The following CKAP2 variants were observed in gnomAD, a reference collection of about 807,000 sequenced individuals.
CKAP2 encodes cytoskeleton associated protein 2, also known as cytoskeleton-associated protein 2.
A neutral mutation model predicts 58.4 loss-of-function variants in CKAP2; 46 were observed. That is an observed-to-expected ratio of 0.79 (90% CI 0.62 to 1.01). The LOEUF is 1.01. CKAP2 is among the 50% of genes least tolerant of loss of function. The probability of loss-of-function intolerance (pLI) is 0.00; values close to 1 mark genes in which losing one functional copy is unlikely to be tolerated. For synonymous variants in CKAP2, 293 were observed against 280.9 expected (o/e 1.04, Z -0.43); for missense variants, 809 against 796.4 (o/e 1.02, Z -0.19).
rs74085799 is a variant in CKAP2, at chr13:52,462,418, A to G, written c.1156A>G (p.Asn386Asp). ...AGGAAGAGTGCTAAAAAGGCCCCCT[A>G]ATTCAGTAGTTACTCAGCATGAGCC... The part of the protein sequence containing the change: ...GKGRVLKRPP[N>D]SVVTQHEPAG... Residue 386 changes from asparagine to aspartate, a missense_variant, in exon 5 of 9, where the codon AAT becomes GAT. By Grantham distance (23) the Asn-to-Asp change is conservative (BLOSUM62 1). Transcript: ENST00000258607. 2,765 of 1,614,110 alleles carry G rather than the reference A, an allele frequency of 1.7e-3. 35 individuals are homozygous for G. In the African/African-American group the frequency reaches 0.03, roughly 17 times the overall value.
At chr13:52,464,467 C>T (rs1207012128) in intron 5 of CKAP2, among the ~76,000 whole-genome samples, 2 of 149,466 alleles carry the variant, frequency 1.3e-5, no homozygotes, top group South Asian at 2.1e-4. Context: ...GCTGGAGAAT[C>T]GCTTGAACCT....
Position 52,468,327 on chromosome 13 carries a change from G to C in CKAP2, c.1526G>C (p.Ser509Thr), listed in dbSNP as rs375816758. Residue 509 changes from serine to threonine, a missense_variant, in exon 7 of 9, where the codon AGT (serine) becomes ACT (threonine). By Grantham distance (58) the Ser-to-Thr change is moderately conservative. Coordinates refer to ENST00000258607, the MANE Select transcript of CKAP2 (RefSeq NM_018204.5). ...ATTGTAGATATTCTAACAATGAAGA[G>C]TCAAGAAAAAGCTAATTTAGGTAAG... ...HTIVDILTMK[S>T]QEKANLGENM... The C allele has an allele frequency of 1.9e-6, 3 of 1,597,642 alleles. No individual in the cohort carries two copies. Among genetic ancestry groups the C allele is most frequent in the Non-Finnish European group, 2.6e-6 (3 of 1,171,868 alleles).
chr13:52,473,467 T>C (rs2137874554), intron 7 of CKAP2: 1 of 179,942 alleles, frequency 5.6e-6, no homozygotes, highest in Non-Finnish European at 1.2e-5. Context: ...TTTTCTTTTA[T>C]GTGCCATATG....
chr13:52,456,089 G>A (rs1958475019), intron 1 of CKAP2: 2 of 1,018,924 alleles, frequency 2.0e-6, no homozygotes, highest in African/African-American at 1.7e-5. Flanking sequence ...GGAAACCGAG[G>A]GTTGGTTGGG....
chr13:52,455,945 C>T (rs1424722429), intron 1 of CKAP2: 20 of 1,137,148 alleles, frequency 1.8e-5, no homozygotes, highest in South Asian at 3.6e-5. Context: ...CGCTTGGGGG[C>T]GGGGCTGCAC....
chr13:52,467,967 G>T (rs111344409), intron 6 of CKAP2, among the ~76,000 whole-genome samples: 4 of 152,018 alleles, frequency 2.6e-5, no homozygotes, highest in African/African-American at 9.6e-5. Context: ...CTGCCACCAC[G>T]CCCGGCTCAT....
chr13:52,468,309 A>G lies in CKAP2; in HGVS notation c.1508A>G (p.Asp503Gly). Residue 503 changes from aspartate to glycine, a missense_variant, in exon 7 of 9, where the codon GAT (aspartate) becomes GGT (glycine). Asp to Gly is a moderately conservative substitution (Grantham distance 94, BLOSUM62 -1). This residue lies in a region of CKAP2 where 283 missense variants were observed against 287.6 expected (regional missense o/e 0.98). Transcript: ENST00000258607. ...GAAGAGATGCGACACACGATTGTAG[A>G]TATTCTAACAATGAAGAGTCAAGAA... ...PIEEMRHTIV[D>G]ILTMKSQEKA... 6.2e-7 allele frequency: 1 copy of G among 1,602,766 alleles called. No individual in the cohort carries two copies. The highest frequency in any genetic ancestry group is 8.5e-7 in the Non-Finnish European group (1 of 1,174,096).
intron 5 of CKAP2, among the ~76,000 whole-genome samples, chr13:52,463,129 G>C (rs1958610676): frequency 6.6e-6 from 1 of 152,040 alleles, no homozygotes; most frequent in African/African-American, 2.4e-5. Flanking sequence ...GTAGAGACAG[G>C]GTTTCACCAT....
Position 52,475,157 on chromosome 13 carries a change from G to A in CKAP2, c.*16G>A. 1 of 1,607,080 alleles carries A rather than the reference G, an allele frequency of 6.2e-7. No individual in the cohort carries two copies. The highest frequency in any genetic ancestry group is 8.5e-7 in the Non-Finnish European group (1 of 1,176,174). ...TACAACATAAGAGAAATAAAGCTCT[G>A]TTAGGGAATGGGGTTTTTATTATTT... On this transcript the variant is annotated 3_prime_UTR_variant, in exon 9 of 9. Transcript: ENST00000258607.
rs531517968 is a variant in CKAP2 at position 52,476,376 on chromosome 13, G to C, written c.*1235G>C. Reference sequence around the variant, plus strand: ...TGTTTTAATGAAGTTTATTTCAACAGATATTTTATGAAATGCAGTTTAACC... The same window carrying C: ...TGTTTTAATGAAGTTTATTTCAACACATATTTTATGAAATGCAGTTTAACC... On this transcript the variant is annotated 3_prime_UTR_variant, in exon 9 of 9. Transcript: ENST00000258607. 3.9e-4 allele frequency: 59 copies of C among 152,244 alleles called. No individual in the cohort carries two copies. Among genetic ancestry groups the C allele is most frequent in the African/African-American group, 1.2e-3 (48 of 41,524 alleles). The allele number at this position is 152,244 out of a possible 1,614,324, so 9.4% of individuals were successfully genotyped here. A position where few individuals can be genotyped will look rare whatever the true frequency, so the allele number is the denominator to read the frequency against.
chr13:52,467,238 T>A (rs964555029), intron 6 of CKAP2, among the ~76,000 whole-genome samples: 1 of 152,132 alleles, frequency 6.6e-6, no homozygotes, highest in Admixed American at 6.5e-5. Flanking sequence ...TAGCAAATGC[T>A]TAGGTAAATA....
intron 7 of CKAP2, among the ~76,000 whole-genome samples, chr13:52,469,602 T>TG (rs1185051107): frequency 6.8e-6 from 1 of 147,644 alleles, no homozygotes. Context: ...TATTTATTTT[T>TG]TTTTTGAGAC....
Position 52,461,481 on chromosome 13 carries a change from C to T in CKAP2, c.655C>T (p.Pro219Ser). 1 of 1,614,136 alleles carries T rather than the reference C, an allele frequency of 6.2e-7. No individual in the cohort carries two copies. Residue 219 changes from proline to serine, a missense_variant, in exon 4 of 9, where the codon CCT becomes TCT. Pro to Ser is a moderately conservative substitution (Grantham distance 74, BLOSUM62 -1). Around this residue, in one of 3 missense-constraint regions of CKAP2, gnomAD observed 523 missense variants for 492.4 expected, o/e 1.06. Transcript: ENST00000258607. ...ATIPKATKPQ[P>S]VNTSSVTVKS... ...TATACCTAAAGCCACAAAACCTCAGCCTGTAAACACCAGCAGTGTAACAGT... is the reference window on the plus strand; with the variant it reads ...TATACCTAAAGCCACAAAACCTCAGTCTGTAAACACCAGCAGTGTAACAGT...
In CKAP2 at chr13:52,455,481, G is replaced by A. The variant is rs1016890702; in HGVS notation, c.-76G>A. Reference sequence around the variant, plus strand: ...CGTCTGACGGCTTAGCCGCGGTGCAGACTGCGGCGGCGGTGGTCTGAGGAA... The same window carrying A: ...CGTCTGACGGCTTAGCCGCGGTGCAAACTGCGGCGGCGGTGGTCTGAGGAA... On this transcript the variant is annotated 5_prime_UTR_variant, in exon 1 of 9. Coordinates refer to ENST00000258607, the MANE Select transcript of CKAP2 (RefSeq NM_018204.5). The A allele has an allele frequency of 2.3e-5, 36 of 1,560,772 alleles. No homozygotes were observed. Among genetic ancestry groups the A allele is most frequent in the Non-Finnish European group, 3.2e-5 (36 of 1,133,028 alleles).
intron 8 of CKAP2, 120 bp downstream of exon 8, chr13:52,474,204 G>A (rs1958797756): frequency 2.9e-6 from 3 of 1,025,746 alleles, no homozygotes; most frequent in African/African-American, 3.2e-5. Context: ...AGAAATTTCA[G>A]TACGGGCATG....
chr13:52,465,628 C>A, intron 6 of CKAP2, 163 bp downstream of exon 6: 1 of 666,576 alleles, frequency 1.5e-6, no homozygotes, highest in Non-Finnish European at 2.7e-6. Flanking sequence ...TGTTTGTTGG[C>A]TTTCTAAGTC....
In CKAP2 at chr13:52,476,205, A is replaced by G. The variant is rs1232822162; in HGVS notation, c.*1064A>G. ...TGTAAAAGATTAGTTGAAAAACTGT[A>G]TGAATGTGAAGATCACATGCTTAGT... On this transcript the variant is annotated 3_prime_UTR_variant, in exon 9 of 9. Transcript: ENST00000258607. 2.0e-5 allele frequency: 3 copies of G among 152,234 alleles called. No individual in the cohort carries two copies. The highest frequency in any genetic ancestry group is 4.4e-5 in the Non-Finnish European group (3 of 68,038). The allele number at this position is 152,234 out of a possible 1,614,324, so 9.4% of individuals were successfully genotyped here.
At chr13:52,458,647 G>C (rs1311369222) in intron 2 of CKAP2, among the ~76,000 whole-genome samples, 2 of 152,160 alleles carry the variant, frequency 1.3e-5, no homozygotes, top group African/African-American at 4.8e-5. Flanking sequence ...TGTATCACTT[G>C]AGGTCAAGAG....
chr13:52,459,382 G>A (rs141085641), intron 2 of CKAP2, among the ~76,000 whole-genome samples: 92 of 152,086 alleles, frequency 6.0e-4, no homozygotes, highest in African/African-American at 2.1e-3. Context: ...TAGTGCAGTG[G>A]CGCGATCTCA....
Sources: allele counts gnomAD v4.1 joint callset (sites outside exome capture counted in the v4.1 genomes callset), GRCh38; gene constraint gnomAD v4.1.1; regional missense constraint gnomAD v4.1.1; transcripts MANE v1.5; gene names NCBI Gene and HGNC (gene_info 2026-07-23, HGNC 2026-07-21).